The following PCDH15 variants were observed in gnomAD, a reference collection of about 807,000 sequenced individuals.
PCDH15 encodes protocadherin-15.
A neutral mutation model predicts 178.5 loss-of-function variants in PCDH15; 129 were observed. That is an observed-to-expected ratio of 0.72 (90% CI 0.63 to 0.84). PCDH15 has a LOEUF of 0.84. Among genes scored for constraint, PCDH15 ranks in the 40% least tolerant of loss-of-function variants. PCDH15 has a pLI of 0.00. For synonymous variants in PCDH15, 800 were observed against 732.0 expected, an observed-to-expected ratio of 1.09 and a Z score of -1.50; for missense variants, 2,230 against 2,099.9, an observed-to-expected ratio of 1.06 and a Z score of -1.21.
At chr10:54,007,739 TA>T (rs577047938) in intron 20 of PCDH15, among the ~76,000 whole-genome samples, 3 of 152,164 alleles carry the variant, frequency 2.0e-5, no homozygotes, top group Non-Finnish European at 4.4e-5. Flanking sequence ...GACTAGGCAT[TA>T]AACACTTCAT....
chr10:54,019,942 T>G (rs1163039706), intron 20 of PCDH15, among the ~76,000 whole-genome samples: 1 of 152,090 alleles, frequency 6.6e-6, no homozygotes, highest in Non-Finnish European at 1.5e-5. Flanking sequence ...ACAGAGCTGA[T>G]GCAGACTCAA....
intron 2 of PCDH15, among the ~76,000 whole-genome samples, chr10:55,030,810 G>A (rs1840591594): frequency 6.6e-6 from 1 of 152,120 alleles, no homozygotes; most frequent in South Asian, 2.1e-4. Context: ...TCAGAATAAT[G>A]ATGTTTGCAG....
intron 2 of PCDH15, among the ~76,000 whole-genome samples, chr10:55,387,740 T>C (rs969419947): frequency 6.6e-6 from 1 of 152,112 alleles, no homozygotes; most frequent in Admixed American, 6.6e-5. Flanking sequence ...TCTGTAAGGT[T>C]GTCTGGGTTT....
chr10:55,065,323 C>T (rs553613469), intron 2 of PCDH15, among the ~76,000 whole-genome samples: 1 of 152,074 alleles, frequency 6.6e-6, no homozygotes, highest in South Asian at 2.1e-4. Context: ...CCCCTTTCAT[C>T]TAACCAGAAA....
chr10:55,119,503 A>G (rs1324578643), intron 2 of PCDH15, among the ~76,000 whole-genome samples: 1 of 151,848 alleles, frequency 6.6e-6, no homozygotes, highest in Non-Finnish European at 1.5e-5. Context: ...CATACAAAAA[A>G]AAAAGGTAAG....
At chr10:55,180,203 G>GAGAGAAAATCAGAATCATGAAGTATCAA (rs1839603732) in intron 1 of PCDH15, among the ~76,000 whole-genome samples, 1 of 152,002 alleles carries the variant, frequency 6.6e-6, no homozygotes, top group Non-Finnish European at 1.5e-5. Flanking sequence ...AAAGTAAAGA[G>GAGAGAAAATCAGAATCATGAAGTATCAA]AGAGAAAATC....
At chr10:55,083,765 A>T (rs1842099154) in intron 2 of PCDH15, among the ~76,000 whole-genome samples, 1 of 151,950 alleles carries the variant, frequency 6.6e-6, no homozygotes, top group Non-Finnish European at 1.5e-5. Flanking sequence ...GCATTTCTAC[A>T]TGAAAACAGC....
At chr10:54,036,765 A>G (rs1454803358) in intron 18 of PCDH15, among the ~76,000 whole-genome samples, 1 of 151,900 alleles carries the variant, frequency 6.6e-6, no homozygotes, top group Non-Finnish European at 1.5e-5. Flanking sequence ...ATAAGAAATA[A>G]ATTTCATAAG....
intron 1 of PCDH15, among the ~76,000 whole-genome samples, chr10:55,303,260 C>A (rs1272577688): frequency 6.6e-6 from 1 of 152,106 alleles, no homozygotes. Context: ...GCAAAGTGGG[C>A]ATTCTTTACT....
Position 54,020,234 on chromosome 10 carries a change from T to C in PCDH15, c.2709A>G (p.Gly903=), listed in dbSNP as rs886047064. The C allele has an allele frequency of 3.7e-6, 6 of 1,613,716 alleles. No homozygotes were observed. In the East Asian group the frequency reaches 1.1e-4, roughly 30 times the overall value. The change falls in exon 20 of 38, where the codon GGA becomes GGG. Residue 903 remains glycine (G), a synonymous_variant. Coordinates refer to ENST00000644397, the MANE Select transcript of PCDH15 (RefSeq NM_001384140.1). The part of the protein sequence containing the change: ...TFLVEAFDIY[G]TMPPGIATVT... ...CAGTAGCAATACCAGGTGGCATTGT[T>C]CCATAAATATCAAAGGCCTCTACCA...
At chr10:54,965,237 G>T (rs1255861067) in intron 2 of PCDH15, among the ~76,000 whole-genome samples, 1 of 152,122 alleles carries the variant, frequency 6.6e-6, no homozygotes, top group Non-Finnish European at 1.5e-5. Flanking sequence ...TGGTTTGGTT[G>T]TGGCCCCACC....
At chr10:54,123,661 C>T (rs1277171468) in intron 15 of PCDH15, among the ~76,000 whole-genome samples, 2 of 151,956 alleles carry the variant, frequency 1.3e-5, no homozygotes, top group Non-Finnish European at 2.9e-5. Flanking sequence ...CCCAGCAATG[C>T]CACCCAAAAG....
At chr10:54,530,742 A>G (rs1366868005) in intron 2 of PCDH15, among the ~76,000 whole-genome samples, 1 of 152,176 alleles carries the variant, frequency 6.6e-6, no homozygotes, top group East Asian at 1.9e-4. Flanking sequence ...AATTCTCCCC[A>G]ATAAAACATT....
intron 3 of PCDH15, among the ~76,000 whole-genome samples, chr10:54,402,862 C>T (rs1190241811): frequency 6.6e-6 from 1 of 151,848 alleles, no homozygotes; most frequent in Non-Finnish European, 1.5e-5. Flanking sequence ...TAAAATTAGA[C>T]CAATTAATAA....
At chr10:53,993,296 C>T (rs187720205) in intron 21 of PCDH15, among the ~76,000 whole-genome samples, 4 of 152,236 alleles carry the variant, frequency 2.6e-5, no homozygotes, top group East Asian at 1.9e-4. Context: ...ACAGAATAAA[C>T]GTTTATTTAT....
chr10:55,219,516 T>C (rs1335951928), intron 1 of PCDH15, among the ~76,000 whole-genome samples: 1 of 151,650 alleles, frequency 6.6e-6, no homozygotes, highest in Non-Finnish European at 1.5e-5. Flanking sequence ...TCTCACTTTT[T>C]TTTCCTGTGG....
intron 23 of PCDH15, 31 bp downstream of exon 23, chr10:53,959,701 G>A (rs372249708): frequency 5.0e-5 from 76 of 1,509,016 alleles, no homozygotes; most frequent in African/African-American, 4.7e-4. Context: ...TAAACATTTC[G>A]TGTATTTCAA....
chr10:54,249,006 C>A (rs933298141), intron 8 of PCDH15, among the ~76,000 whole-genome samples: 6 of 150,752 alleles, frequency 4.0e-5, no homozygotes, highest in African/African-American at 1.5e-4. Flanking sequence ...TATTTATTGT[C>A]TTGGTGATTA....
chr10:53,930,918 C>T (rs2921918), intron 25 of PCDH15, among the ~76,000 whole-genome samples: 7,118 of 152,228 alleles, frequency 0.047, 512 homozygotes, highest in African/African-American at 0.16. Context: ...CTAGACCAAA[C>T]TCCTGGTGTT....
Sources: allele counts gnomAD v4.1 joint callset (sites outside exome capture counted in the v4.1 genomes callset), GRCh38; gene constraint gnomAD v4.1.1; transcripts MANE v1.5; gene names NCBI Gene and HGNC (gene_info 2026-07-23, HGNC 2026-07-21).